The following CCNDBP1 variants were observed in gnomAD, a reference collection of about 807,000 sequenced individuals.
CCNDBP1 encodes the protein cyclin D1 binding protein 1.
In CCNDBP1, 45 loss-of-function variants were observed where a neutral mutation model predicts 46.2. The observed-to-expected ratio is 0.97, with a 90% CI of 0.77 to 1.25. CCNDBP1 has a LOEUF of 1.25. CCNDBP1 is among the 50% of genes most tolerant of loss of function. The pLI, the probability that CCNDBP1 is intolerant of heterozygous loss-of-function variation, is 0.00. For synonymous variants in CCNDBP1, 154 were observed against 163.6 expected (o/e 0.94, Z 0.45); for missense variants, 436 against 442.1 (o/e 0.99, Z 0.12).
rs1156283581 is a variant in CCNDBP1, at chr15:43,188,920, T to C, written c.250-279T>C. The C allele has an allele frequency of 5.8e-5, 15 of 260,626 alleles. 1 individual carries two copies. In the Admixed American group the frequency reaches 7.6e-4, roughly 13 times the overall value. 16.1% of individuals were successfully genotyped at this position (260,626 alleles called of 1,614,324 possible). Reference sequence around the variant, plus strand: ...GGCAAAACCCCATCTCTACTAAAAATACAAAAAATTAGCTGGGTGTGGTGG... The same window carrying C: ...GGCAAAACCCCATCTCTACTAAAAACACAAAAAATTAGCTGGGTGTGGTGG... On this transcript the variant is annotated intron_variant, in intron 3 of 10. Transcript: ENST00000300213.
At position 43,186,064 on chromosome 15, in the gene CCNDBP1, T is replaced by G. The variant is rs138713618; in HGVS notation, c.170-90T>G. The G allele has an allele frequency of 3.7e-6, 5 of 1,341,510 alleles. No individual in the cohort carries two copies. In the African/African-American group the frequency reaches 5.8e-5, roughly 15 times the overall value. The allele number at this position is 1,341,510 out of a possible 1,614,324, so 83.1% of individuals were successfully genotyped here. A position where few individuals can be genotyped will look rare whatever the true frequency, so the allele number is the denominator to read the frequency against. ...TCTAACCTCGACATTCGGGAAGTGT[T>G]TTTGAGAAGTCTCGGTCGGTAAGGG... On this transcript the variant is annotated intron_variant, in intron 2 of 10. Transcript: ENST00000300213.
Position 43,185,725 on chromosome 15 carries a change from G to A in CCNDBP1, c.110-95G>A. ...GTCGCGGAGAGGGCGGGCTGGGGCG[G>A]CGGCGGGGAGCCGGGCTTGGGCGAG... On this transcript the variant is annotated intron_variant, in intron 1 of 10. Transcript: ENST00000300213. 7 of 1,450,288 alleles carry A rather than the reference G, an allele frequency of 4.8e-6. 1 individual carries two copies. The South Asian group carries it at 7.7e-5, about 16-fold the overall frequency. 89.8% of individuals were successfully genotyped at this position (1,450,288 alleles called of 1,614,324 possible).
Position 43,189,296 on chromosome 15 carries a change from G to A in CCNDBP1, c.331+16G>A, listed in dbSNP as rs371159934. ...AAGGATCAGGGTAAGCCACATAAGT[G>A]TTGCATTTATCGTGTAGATCTTTGC... On this transcript the variant is annotated intron_variant, in intron 4 of 10. Coordinates refer to ENST00000300213, the MANE Select transcript of CCNDBP1 (RefSeq NM_012142.5). 13 of 1,502,712 alleles carry A rather than the reference G, an allele frequency of 8.7e-6. No individual in the cohort carries two copies. The highest frequency in any genetic ancestry group is 2.8e-5 in the African/African-American group (2 of 72,186). The allele number at this position is 1,502,712 out of a possible 1,614,324, so 93.1% of individuals were successfully genotyped here.
chr15:43,185,686 A>T lies in CCNDBP1; in HGVS notation c.109+79A>T, dbSNP rs1596385612. ...AGAGGCCGGGCTCGGGGTCGGGGAG[A>T]GGCCGGGCTCGGGGTCGCGGAGAGG... On this transcript the variant is annotated intron_variant, in intron 1 of 10. Coordinates refer to ENST00000300213, the MANE Select transcript of CCNDBP1 (RefSeq NM_012142.5). 5 of 778,054 alleles carry T rather than the reference A, an allele frequency of 6.4e-6. No homozygotes were observed. The East Asian group carries it at 3.2e-4, about 49-fold the overall frequency. The allele number at this position is 778,054 out of a possible 1,614,324, so 48.2% of individuals were successfully genotyped here.
At chr15:43,185,914 AGTT>A (rs749127229) in intron 2 of CCNDBP1, 35 bp downstream of exon 2, 7 of 1,592,432 alleles carry the variant, frequency 4.4e-6, no homozygotes, top group Admixed American at 1.7e-5. Context: ...CCCTTGCCTC[AGTT>A]CCTCCAGCGT....
rs761585308 is a variant in CCNDBP1, at chr15:43,190,049, C to T, written c.332-6C>T. On this transcript the variant is annotated splice_polypyrimidine_tract_variant and splice_region_variant and intron_variant, in intron 4 of 10. Transcript: ENST00000300213. ...CAGGTTGCTTATTCTTTGGGTTTGG[C>T]CACAGGGATCACCCTGAGAAAGCTG... The T allele has an allele frequency of 6.2e-6, 10 of 1,613,466 alleles. No individual in the cohort carries two copies. The South Asian group carries it at 1.1e-4, about 18-fold the overall frequency.
intron 3 of CCNDBP1, among the ~76,000 whole-genome samples, chr15:43,187,053 A>G (rs1322652193): frequency 6.6e-6 from 1 of 152,246 alleles, no homozygotes; most frequent in Non-Finnish European, 1.5e-5. Flanking sequence ...CATGTTGGCT[A>G]TGACCACGTA....
At chr15:43,189,332 G>T in intron 4 of CCNDBP1, 52 bp downstream of exon 4, 1 of 1,051,510 alleles carries the variant, frequency 9.5e-7, no homozygotes, top group Non-Finnish European at 1.4e-6. Flanking sequence ...TAATATTGTG[G>T]ATTATGTCTT....
rs925438313 is a variant in CCNDBP1 at position 43,196,859 on chromosome 15, T to G, written c.*2018T>G. On this transcript the variant is annotated 3_prime_UTR_variant, in exon 11 of 11. Transcript: ENST00000300213. ...TGGATATTCAACCCTGCAAACCTCATGCTGAAATTGGATTCCCAGTGTTGG... is the reference window on the plus strand; with the variant it reads ...TGGATATTCAACCCTGCAAACCTCAGGCTGAAATTGGATTCCCAGTGTTGG... The G allele has an allele frequency of 3.8e-6, 1 of 265,690 alleles. No homozygotes were observed. The highest frequency in any genetic ancestry group is 1.4e-3 in the Middle Eastern group (1 of 720). The allele number at this position is 265,690 out of a possible 1,614,324, so 16.5% of individuals were successfully genotyped here.
At chr15:43,193,332 CAAAAAAAAAAAAAAAAAAAA>C (rs60206861) in intron 9 of CCNDBP1, 1 of 39,130 alleles carries the variant, frequency 2.6e-5, no homozygotes, top group Non-Finnish European at 4.1e-5. Flanking sequence ...GACTCTGTCT[CAAAAAAAAAAAAAAAAAAAA>C]AAAAAAAAAA....
chr15:43,189,919 T>C, intron 4 of CCNDBP1, 136 bp from the exon 5 acceptor site: 1 of 677,410 alleles, frequency 1.5e-6, no homozygotes, highest in Non-Finnish European at 2.5e-6. Flanking sequence ...AAGTAAGACC[T>C]GAGTTTTGTG....
intron 4 of CCNDBP1, chr15:43,189,598 A>G (rs543170200): frequency 2.9e-6 from 1 of 341,336 alleles, no homozygotes; most frequent in East Asian, 5.7e-5. Flanking sequence ...GGCTCAGGCC[A>G]TCCTTACTTT....
chr15:43,193,369 T>G (rs1018620850), intron 9 of CCNDBP1: 3 of 144,012 alleles, frequency 2.1e-5, no homozygotes, highest in Non-Finnish European at 4.5e-5. Flanking sequence ...AAAAAAAGCT[T>G]CTTTGAAAAG....
chr15:43,185,756 T>G (rs1596385806), intron 1 of CCNDBP1, 64 bp from the exon 2 acceptor site: 2 of 1,547,486 alleles, frequency 1.3e-6, no homozygotes, highest in East Asian at 2.3e-5. Context: ...GCGAGGGAGG[T>G]GGCTCCGCTT....
intron 1 of CCNDBP1, 22 bp downstream of exon 1, chr15:43,185,629 G>C: frequency 2.0e-6 from 3 of 1,508,600 alleles, no homozygotes; most frequent in Non-Finnish European, 2.7e-6. Flanking sequence ...GAGTTAGAAC[G>C]GGCGACGGCA....
intron 4 of CCNDBP1, 136 bp from the exon 5 acceptor site, chr15:43,189,919 T>G: frequency 1.5e-6 from 1 of 677,410 alleles, no homozygotes; most frequent in Non-Finnish European, 2.5e-6. Flanking sequence ...AAGTAAGACC[T>G]GAGTTTTGTG....
chr15:43,191,339 T>C (rs495286), intron 7 of CCNDBP1, 56 bp from the exon 8 acceptor site: 1,175,111 of 1,312,008 alleles, frequency 0.9, 527,633 homozygotes, highest in Middle Eastern at 0.94. Flanking sequence ...ATAATAGGCC[T>C]CGCCTTTTTT....
intron 4 of CCNDBP1, chr15:43,189,718 A>G (rs1421432405): frequency 2.9e-6 from 1 of 344,076 alleles, no homozygotes; most frequent in African/African-American, 2.1e-5. Context: ...CAAAATTATA[A>G]CTGAATACAT....
chr15:43,186,327 TTTC>T (rs1488557419), intron 3 of CCNDBP1, 94 bp downstream of exon 3: 1 of 967,226 alleles, frequency 1.0e-6, no homozygotes. Flanking sequence ...CGCCAGGAGA[TTTC>T]TTTTCTTCAT....
Sources: gnomAD v4.1 joint callset for allele counts (sites outside exome capture counted in the v4.1 genomes callset) on GRCh38, gnomAD v4.1.1 for gene constraint, MANE v1.5 for transcripts, NCBI Gene and HGNC (gene_info 2026-07-23, HGNC 2026-07-21) for gene names.